The following PLPP3 variants were observed in gnomAD, a reference collection of about 807,000 sequenced individuals.
PLPP3 encodes the protein PAP2 beta.
Under a neutral mutation model 29.6 loss-of-function variants are expected in PLPP3, and 6 were observed. The observed-to-expected ratio is 0.20, with a 90% CI of 0.11 to 0.40. PLPP3 has a LOEUF of 0.40. Ranked by LOEUF, PLPP3 falls within the 10% of genes least tolerant of loss-of-function variation. PLPP3 has a pLI of 1.00. For missense variants in PLPP3, 308 were observed against 407.7 expected (o/e 0.76, Z 2.11); for synonymous variants, 152 against 159.7 (o/e 0.95, Z 0.36).
intron 5 of PLPP3, among the ~76,000 whole-genome samples, chr1:56,511,433 A>G (rs758160802): frequency 6.6e-6 from 1 of 152,144 alleles, no homozygotes; most frequent in Non-Finnish European, 1.5e-5. Flanking sequence ...CTCTTCTCCA[A>G]TGAACACTGA....
intron 5 of PLPP3, among the ~76,000 whole-genome samples, chr1:56,502,724 C>T (rs1202244084): frequency 6.6e-6 from 1 of 152,120 alleles, no homozygotes; most frequent in Admixed American, 6.6e-5. Flanking sequence ...AGTGTTAGGC[C>T]GTAGGCTTTG....
intron 1 of PLPP3, among the ~76,000 whole-genome samples, chr1:56,555,433 TAAAAAA>T (rs66593221): frequency 2.1e-4 from 7 of 33,216 alleles, no homozygotes; most frequent in African/African-American, 6.6e-4. Context: ...GGCCAAACAC[TAAAAAA>T]AAAAAAAAAA....
intron 2 of PLPP3, among the ~76,000 whole-genome samples, chr1:56,531,672 T>G (rs915197107): frequency 6.6e-6 from 1 of 152,202 alleles, no homozygotes; most frequent in African/African-American, 2.4e-5. Context: ...AGAGTGGGCC[T>G]TCATTAGCAT....
intron 1 of PLPP3, among the ~76,000 whole-genome samples, chr1:56,577,171 T>C (rs756069149): frequency 5.3e-5 from 8 of 152,164 alleles, no homozygotes; most frequent in Non-Finnish European, 1.2e-4. Flanking sequence ...ACAGCTTCCA[T>C]GTGTTTAGTG....
At chr1:56,518,959 G>A (rs1645800602) in intron 4 of PLPP3, among the ~76,000 whole-genome samples, 1 of 151,950 alleles carries the variant, frequency 6.6e-6, no homozygotes, top group Non-Finnish European at 1.5e-5. Context: ...GTCAGAGGAG[G>A]GGGTTGTCAT....
At chr1:56,535,250 T>C (rs112203344) in intron 2 of PLPP3, among the ~76,000 whole-genome samples, 1 of 152,204 alleles carries the variant, frequency 6.6e-6, no homozygotes, top group African/African-American at 2.4e-5. Flanking sequence ...AACCAGGGCA[T>C]GTGCTTTTAA....
At chr1:56,508,602 T>G (rs1645719543) in intron 5 of PLPP3, among the ~76,000 whole-genome samples, 1 of 152,180 alleles carries the variant, frequency 6.6e-6, no homozygotes, top group Non-Finnish European at 1.5e-5. Flanking sequence ...AGAAGAGAAC[T>G]TTGCTCCTTC....
chr1:56,499,254 C>T (rs1265780469), intron 5 of PLPP3, among the ~76,000 whole-genome samples: 1 of 152,154 alleles, frequency 6.6e-6, no homozygotes, highest in African/African-American at 2.4e-5. Flanking sequence ...AAGATCTAAA[C>T]CTGTGACTGT....
At chr1:56,568,822 T>A (rs904071712) in intron 1 of PLPP3, among the ~76,000 whole-genome samples, 3 of 152,100 alleles carry the variant, frequency 2.0e-5, no homozygotes, top group African/African-American at 7.2e-5. Flanking sequence ...AGATGGGGTT[T>A]CACCATCTTG....
chr1:56,539,174 T>A (rs1204315166), intron 1 of PLPP3, among the ~76,000 whole-genome samples: 1 of 152,216 alleles, frequency 6.6e-6, no homozygotes. Flanking sequence ...CTTTGCAAAT[T>A]GATTTCATTC....
chr1:56,566,108 T>G (rs540317802), intron 1 of PLPP3, among the ~76,000 whole-genome samples: 6 of 152,348 alleles, frequency 3.9e-5, no homozygotes, highest in Admixed American at 6.5e-5. Flanking sequence ...AAGTTCAGTA[T>G]GCCTAGATAT....
intron 1 of PLPP3, among the ~76,000 whole-genome samples, chr1:56,551,338 T>G (rs1326937024): frequency 6.6e-6 from 1 of 151,594 alleles, no homozygotes; most frequent in Non-Finnish European, 1.5e-5. Context: ...GGTGTGCAAT[T>G]AGCAGACCTA....
chr1:56,550,769 T>A (rs542563152), intron 1 of PLPP3, among the ~76,000 whole-genome samples: 18 of 145,818 alleles, frequency 1.2e-4, no homozygotes, highest in African/African-American at 4.5e-4. Context: ...AAATGCCAAA[T>A]AACATTATTC....
chr1:56,563,659 T>C (rs1646144596), intron 1 of PLPP3, among the ~76,000 whole-genome samples: 1 of 152,216 alleles, frequency 6.6e-6, no homozygotes, highest in Non-Finnish European at 1.5e-5. Flanking sequence ...TGTTAGTAAA[T>C]GACCTCTGCT....
chr1:56,505,906 C>A (rs1264057178), intron 5 of PLPP3, among the ~76,000 whole-genome samples: 1 of 152,166 alleles, frequency 6.6e-6, no homozygotes, highest in African/African-American at 2.4e-5. Flanking sequence ...TAGAGTACTA[C>A]AAAGATAGTG....
chr1:56,498,553 C>T (rs1645644682), intron 5 of PLPP3, among the ~76,000 whole-genome samples: 1 of 152,080 alleles, frequency 6.6e-6, no homozygotes, highest in Admixed American at 6.6e-5. Flanking sequence ...ATGTCCTCAT[C>T]TGTAGCTCAA....
intron 4 of PLPP3, among the ~76,000 whole-genome samples, chr1:56,517,744 G>A (rs940298479): frequency 6.6e-6 from 1 of 152,216 alleles, no homozygotes; most frequent in African/African-American, 2.4e-5. Flanking sequence ...GGAGAAAAGA[G>A]GCAGTTTGAG....
At chr1:56,544,299 T>C (rs1447687740) in intron 1 of PLPP3, among the ~76,000 whole-genome samples, 1 of 152,198 alleles carries the variant, frequency 6.6e-6, no homozygotes, top group Non-Finnish European at 1.5e-5. Flanking sequence ...CAACTCATGG[T>C]TCATATCTTT....
chr1:56,507,306 C>T (rs998305964), intron 5 of PLPP3, among the ~76,000 whole-genome samples: 1 of 152,180 alleles, frequency 6.6e-6, no homozygotes, highest in African/African-American at 2.4e-5. Flanking sequence ...AGCTACAAGG[C>T]CTCCAGCTTC....
Sources: allele counts gnomAD v4.1 joint callset (sites outside exome capture counted in the v4.1 genomes callset), GRCh38; gene constraint gnomAD v4.1.1; transcripts MANE v1.5; gene names NCBI Gene and HGNC (gene_info 2026-07-23, HGNC 2026-07-21).